FRMPD4: variants seen among roughly 807,000 people sequenced by gnomAD.
FRMPD4 encodes the protein FERM and PDZ domain containing 4.
In FRMPD4, 22 loss-of-function variants were observed where a neutral mutation model predicts 94.1. That is an observed-to-expected ratio of 0.23 (90% confidence interval 0.17 to 0.33). The LOEUF (loss-of-function observed/expected upper bound fraction) is 0.33, where lower values mean the gene tolerates loss of function less well. FRMPD4 is among the 10% of genes least tolerant of loss of function. The pLI, the probability that FRMPD4 is intolerant of heterozygous loss-of-function variation, is 1.00. For synonymous variants in FRMPD4, 631 were observed against 548.6 expected (o/e 1.15, Z -2.10); for missense variants, 1,111 against 1,339.9 (o/e 0.83, Z 2.67).
chrX:12,292,495 G>A (rs1399528041), intron 1 of FRMPD4, among the ~76,000 whole-genome samples: 1 of 110,604 alleles, frequency 9.0e-6, no homozygotes, highest in Non-Finnish European at 1.9e-5. Context: ...TAGATGTTTT[G>A]TGCTTGTGTA....
intron 3 of FRMPD4, among the ~76,000 whole-genome samples, chrX:11,929,523 A>G (rs891743257): frequency 1.8e-5 from 2 of 112,264 alleles, no homozygotes. Flanking sequence ...TGTGAGCCCC[A>G]AAAGAATAAA....
chrX:12,546,511 G>T (rs2058478050), intron 2 of FRMPD4, among the ~76,000 whole-genome samples: 1 of 111,929 alleles, frequency 8.9e-6, no homozygotes. Flanking sequence ...TCTCTTAGTA[G>T]CCCATGGGAG....
At chrX:12,529,915 G>T (rs1447590273) in intron 2 of FRMPD4, among the ~76,000 whole-genome samples, 2 of 108,370 alleles carry the variant, frequency 1.8e-5, no homozygotes, top group African/African-American at 6.7e-5. Flanking sequence ...GTTGGGGGGT[G>T]GGGGTGGGGA....
intron 3 of FRMPD4, among the ~76,000 whole-genome samples, chrX:12,045,020 C>T (rs1298650302): frequency 8.9e-6 from 1 of 112,100 alleles, no homozygotes; most frequent in Non-Finnish European, 1.9e-5. Context: ...TTGGATGGCC[C>T]ACAATCTAAC....
intron 9 of FRMPD4, 83 bp from the exon 10 acceptor site, chrX:12,701,791 G>A (rs2147139732): frequency 9.8e-7 from 1 of 1,023,881 alleles, no homozygotes; most frequent in South Asian, 2.1e-5. Flanking sequence ...AATCACTCGG[G>A]AAATGTATGT....
At chrX:12,109,884 C>G (rs1300925688) in intron 3 of FRMPD4, among the ~76,000 whole-genome samples, 1 of 111,391 alleles carries the variant, frequency 9.0e-6, no homozygotes, top group East Asian at 2.8e-4. Context: ...AAGTTGAATC[C>G]CGGAATTGAC....
intron 4 of FRMPD4, among the ~76,000 whole-genome samples, chrX:12,647,488 C>T (rs1296171255): frequency 9.0e-6 from 1 of 110,925 alleles, no homozygotes; most frequent in African/African-American, 3.3e-5. Context: ...GGGGTCATTC[C>T]CCAGAACTTC....
chrX:12,281,107 C>A (rs778561501), intron 1 of FRMPD4, among the ~76,000 whole-genome samples: 1 of 112,324 alleles, frequency 8.9e-6, no homozygotes, highest in African/African-American at 3.2e-5. Flanking sequence ...AAAACCAGCA[C>A]CAAGCTCGTC....
chrX:12,020,736 G>T, intron 3 of FRMPD4, among the ~76,000 whole-genome samples: 1 of 111,886 alleles, frequency 8.9e-6, no homozygotes, highest in Non-Finnish European at 1.9e-5. Context: ...CCTGCAGTAT[G>T]CATCCATTGT....
chrX:12,676,942 T>G (rs777611191), intron 5 of FRMPD4, among the ~76,000 whole-genome samples: 2 of 111,979 alleles, frequency 1.8e-5, no homozygotes, highest in East Asian at 5.6e-4. Flanking sequence ...TCTTTGACTT[T>G]CCTTTGACCA....
intron 2 of FRMPD4, among the ~76,000 whole-genome samples, chrX:12,569,063 T>C (rs1252760841): frequency 9.0e-6 from 1 of 111,312 alleles, no homozygotes; most frequent in Non-Finnish European, 1.9e-5. Flanking sequence ...GAGTTCTTCC[T>C]TCTCTTCCTA....
chrX:12,667,593 T>C (rs1484218584), intron 4 of FRMPD4, among the ~76,000 whole-genome samples: 2 of 112,494 alleles, frequency 1.8e-5, no homozygotes, highest in Non-Finnish European at 3.8e-5. Context: ...CTTAGCTTCA[T>C]TGTTTAGAGG....
intron 1 of FRMPD4, chrX:12,375,060 C>T (rs1290730314): frequency 8.9e-6 from 1 of 112,084 alleles, no homozygotes; most frequent in East Asian, 2.8e-4. Context: ...CCCGACCTAG[C>T]GTCTTCTAGA....
intron 1 of FRMPD4, among the ~76,000 whole-genome samples, chrX:12,153,412 A>G (rs2055889315): frequency 8.9e-6 from 1 of 111,772 alleles, no homozygotes; most frequent in Non-Finnish European, 1.9e-5. Flanking sequence ...CCATTAGTTC[A>G]TAATTTGGCT....
chrX:12,451,667 G>C (rs1319190090), intron 1 of FRMPD4, among the ~76,000 whole-genome samples: 1 of 109,969 alleles, frequency 9.1e-6, no homozygotes, highest in African/African-American at 3.3e-5. Flanking sequence ...GTAAAACCTT[G>C]TTTTCAAATT....
intron 3 of FRMPD4, among the ~76,000 whole-genome samples, chrX:11,987,786 A>G (rs1298711124): frequency 1.8e-5 from 2 of 111,617 alleles, no homozygotes; most frequent in Non-Finnish European, 3.8e-5. Flanking sequence ...ACAGTGAACA[A>G]TCTGAAAAAG....
chrX:12,255,340 C>A (rs2147816954), intron 1 of FRMPD4, among the ~76,000 whole-genome samples: 1 of 111,129 alleles, frequency 9.0e-6, no homozygotes, highest in East Asian at 2.8e-4. Flanking sequence ...AAAAATTAAG[C>A]TTTTTTGGTC....
chrX:11,990,368 G>T (rs1718252737), intron 3 of FRMPD4, among the ~76,000 whole-genome samples: 1 of 112,065 alleles, frequency 8.9e-6, no homozygotes, highest in South Asian at 3.7e-4. Context: ...AAATATTTCA[G>T]AACTAGATAA....
chrX:12,592,040 C>A (rs2058987875), intron 2 of FRMPD4, among the ~76,000 whole-genome samples: 1 of 111,544 alleles, frequency 9.0e-6, no homozygotes, highest in African/African-American at 3.3e-5. Context: ...TCCCACAATG[C>A]AAGCCATAAA....
Sources: allele counts gnomAD v4.1 joint callset (sites outside exome capture counted in the v4.1 genomes callset), GRCh38; gene constraint gnomAD v4.1.1; transcripts MANE v1.5; gene names NCBI Gene and HGNC (gene_info 2026-07-23, HGNC 2026-07-21).